Variants in UBAP2L observed in about 807,000 individuals in gnomAD.
The protein encoded by UBAP2L is ubiquitin associated protein 2 like.
Under a neutral mutation model 130.6 loss-of-function variants are expected in UBAP2L, and 12 were observed. The ratio of observed to expected loss-of-function variants is 0.09; its 90% confidence interval spans 0.06 to 0.15. The LOEUF is 0.15. Ranked by LOEUF, UBAP2L falls within the 10% of genes least tolerant of loss-of-function variation. UBAP2L has a pLI of 1.00. For synonymous variants in UBAP2L, 503 were observed against 524.7 expected, an observed-to-expected ratio of 0.96 and a Z score of 0.57; for missense variants, 965 against 1,332.5, an observed-to-expected ratio of 0.72 and a Z score of 4.29.
intron 21 of UBAP2L, 41 bp from the exon 22 acceptor site, chr1:154,259,907 A>G: frequency 6.4e-7 from 1 of 1,573,442 alleles, no homozygotes; most frequent in Non-Finnish European, 8.7e-7. Context: ...CTGGGGAATG[A>G]GTGACATTGA....
chr1:154,240,065 G>A (rs72696248), intron 8 of UBAP2L, among the ~76,000 whole-genome samples: 1,731 of 152,282 alleles, frequency 0.011, 12 homozygotes, highest in Non-Finnish European at 0.019. Context: ...CTAATGTGGT[G>A]TTAGAATACT....
chr1:154,254,831 A>G lies in UBAP2L; in HGVS notation c.1855-5A>G. On this transcript the variant is annotated splice_region_variant and splice_polypyrimidine_tract_variant and intron_variant, in intron 15 of 26. Transcript: ENST00000428931. ...TTGCTCTTCTGTTTTTTTTTTTTTT[A>G]CCAGAATGGCTTCAGTTCTGTGCAG... The G allele has an allele frequency of 2.1e-6, 3 of 1,407,218 alleles. No homozygotes were observed. The highest frequency in any genetic ancestry group is 1.6e-5 in the South Asian group (1 of 61,394). The allele number at this position is 1,407,218 out of a possible 1,614,324, so 87.2% of individuals were successfully genotyped here.
intron 1 of UBAP2L, among the ~76,000 whole-genome samples, chr1:154,224,759 C>T (rs1190077860): frequency 2.6e-5 from 4 of 152,186 alleles, no homozygotes; most frequent in Admixed American, 1.3e-4. Context: ...AAAGGTACTT[C>T]AGATACTTGC....
intron 15 of UBAP2L, 63 bp downstream of exon 15, chr1:154,254,152 A>G (rs1678827205): frequency 2.9e-6 from 4 of 1,396,892 alleles, no homozygotes; most frequent in Non-Finnish European, 2.8e-6. Flanking sequence ...TTCCTTAAAT[A>G]TTAGTGTTTT....
chr1:154,255,737 T>C lies in UBAP2L; in HGVS notation c.2139T>C (p.Thr713=). 1 of 1,614,224 alleles carries C rather than the reference T, an allele frequency of 6.2e-7. No homozygotes were observed. The highest frequency in any genetic ancestry group is 1.7e-5 in the Admixed American group (1 of 60,022). The part of the protein sequence containing the change: ...TLSSSTSSGR[T]STSTLLHTSV... ...CATCATCAACATCTTCTGGGCGCAC[T>C]TCGACATCCACTCTTTTGGTAAGTG... is the stretch of plus-strand genomic sequence containing the variant. Residue 713 remains threonine (T), a synonymous_variant, in exon 18 of 27, where the codon ACT becomes ACC. Coordinates refer to ENST00000428931, the MANE Select transcript of UBAP2L (RefSeq NM_014847.4).
At chr1:154,258,923 T>A (rs1680567854) in intron 20 of UBAP2L, 54 bp from the exon 21 acceptor site, 1 of 1,505,706 alleles carries the variant, frequency 6.6e-7, no homozygotes, top group African/African-American at 1.4e-5. Context: ...TGGCTCCTTG[T>A]TTTGCTAACA....
At chr1:154,271,065 CT>C, downstream of UBAP2L, 1 of 929,944 alleles carries the variant, frequency 1.1e-6, no homozygotes, top group Non-Finnish European at 1.6e-6. Flanking sequence ...ACCCCTAAGA[CT>C]TTCACAACCT....
At chr1:154,222,945 C>G (rs1666758216) in intron 1 of UBAP2L, among the ~76,000 whole-genome samples, 1 of 152,164 alleles carries the variant, frequency 6.6e-6, no homozygotes, top group African/African-American at 2.4e-5. Context: ...ATACTTCTCA[C>G]CCTACTTCCT....
intron 24 of UBAP2L, 116 bp from the exon 25 acceptor site, chr1:154,266,384 GA>G: frequency 8.9e-7 from 1 of 1,127,380 alleles, no homozygotes; most frequent in South Asian, 1.3e-5. Context: ...CTGGAAAACC[GA>G]CCAAAATTCC....
chr1:154,250,096 A>G (rs1677014634), intron 12 of UBAP2L, among the ~76,000 whole-genome samples: 1 of 152,178 alleles, frequency 6.6e-6, no homozygotes, highest in Non-Finnish European at 1.5e-5. Flanking sequence ...GACAAGGTCT[A>G]GTTCTGTCAT....
chr1:154,270,272 A>G lies in UBAP2L; in HGVS notation c.3241A>G (p.Ser1081Gly), dbSNP rs1325053125. Residue 1081 changes from serine to glycine, a missense_variant, in exon 27 of 27, where the codon AGC becomes GGC. By Grantham distance (56) the Ser-to-Gly change is moderately conservative. Around this residue, in one of 9 missense-constraint regions of UBAP2L, gnomAD observed 194 missense variants for 334.0 expected, o/e 0.58. Transcript: ENST00000428931. ...KPQTNKSAYN[S>G]YSWGAN Reference sequence around the variant, plus strand: ...CCAGACCAACAAGTCTGCCTACAACAGCTACAGCTGGGGGGCCAACTGAGG... The same window carrying G: ...CCAGACCAACAAGTCTGCCTACAACGGCTACAGCTGGGGGGCCAACTGAGG... 6.2e-7 allele frequency: 1 copy of G among 1,613,944 alleles called. No homozygotes were observed. The highest frequency in any genetic ancestry group is 8.5e-7 in the Non-Finnish European group (1 of 1,179,930).
Position 154,270,801 on chromosome 1 carries a change from A to G in UBAP2L, c.*506A>G. 1 of 1,138,144 alleles carries G rather than the reference A, an allele frequency of 8.8e-7. No individual in the cohort carries two copies. Among genetic ancestry groups the G allele is most frequent in the Non-Finnish European group, 1.2e-6 (1 of 869,142 alleles). The allele number at this position is 1,138,144 out of a possible 1,614,324, so 70.5% of individuals were successfully genotyped here. A position where few individuals can be genotyped will look rare whatever the true frequency, so the allele number is the denominator to read the frequency against. The stretch of plus-strand genomic sequence containing the variant: ...TTTTTTTTTTTGTACTGTGTCCTCA[A>G]ATTTAATGGATTAATGTGTCTTGTA... On this transcript the variant is annotated 3_prime_UTR_variant, in exon 27 of 27. Coordinates refer to ENST00000428931, the MANE Select transcript of UBAP2L (RefSeq NM_014847.4).
chr1:154,222,661 G>A (rs1162928530), intron 1 of UBAP2L, among the ~76,000 whole-genome samples: 1 of 152,196 alleles, frequency 6.6e-6, no homozygotes, highest in Non-Finnish European at 1.5e-5. Flanking sequence ...TCTGTTAGAG[G>A]TAGCAAATTT....
At chr1:154,245,080 C>T (rs114142042) in intron 10 of UBAP2L, among the ~76,000 whole-genome samples, 4,442 of 152,194 alleles carry the variant, frequency 0.029, 212 homozygotes, top group African/African-American at 0.099. Flanking sequence ...AGTAGGCACC[C>T]GCCACCACGC....
At chr1:154,235,541 G>T (rs1017996295) in intron 6 of UBAP2L, among the ~76,000 whole-genome samples, 1 of 151,458 alleles carries the variant, frequency 6.6e-6, no homozygotes, top group Non-Finnish European at 1.5e-5. Flanking sequence ...ATGGAGTCTC[G>T]CACTGTCACC....
intron 24 of UBAP2L, among the ~76,000 whole-genome samples, chr1:154,262,580 A>G (rs1055119781): frequency 2.0e-5 from 3 of 152,180 alleles, no homozygotes; most frequent in African/African-American, 7.2e-5. Flanking sequence ...TGGATAGAGC[A>G]GCATGTGTTT....
At chr1:154,255,470 A>G (rs1459864539) in intron 17 of UBAP2L, 144 bp downstream of exon 17, 2 of 1,228,778 alleles carry the variant, frequency 1.6e-6, no homozygotes, top group East Asian at 4.7e-5. Context: ...TGGGAAGTGA[A>G]GACAGAGGAG....
chr1:154,227,920 G>T (rs1406077626), intron 3 of UBAP2L, among the ~76,000 whole-genome samples: 3 of 152,086 alleles, frequency 2.0e-5, no homozygotes, highest in Non-Finnish European at 2.9e-5. Context: ...TGTTGCTGAT[G>T]CCATTTTGTA....
intron 11 of UBAP2L, among the ~76,000 whole-genome samples, chr1:154,247,975 A>ATT (rs932601820): frequency 6.7e-6 from 1 of 149,434 alleles, no homozygotes; most frequent in Non-Finnish European, 1.5e-5. Flanking sequence ...TTTATTTTTT[A>ATT]TTTTTTTTTG....
Sources: allele counts gnomAD v4.1 joint callset (sites outside exome capture counted in the v4.1 genomes callset), GRCh38; gene constraint gnomAD v4.1.1; regional missense constraint gnomAD v4.1.1; transcripts MANE v1.5; gene names NCBI Gene and HGNC (gene_info 2026-07-23, HGNC 2026-07-21).